MON2: variants seen among roughly 807,000 people sequenced by gnomAD.
MON2 encodes protein MON2 homolog.
MON2 carries 84 observed loss-of-function variants against 208.6 expected under a neutral mutation model. That is an observed-to-expected ratio of 0.40 (90% CI 0.34 to 0.48). MON2 has a LOEUF of 0.48. Among genes scored for constraint, MON2 ranks in the 20% least tolerant of loss-of-function variants. The pLI, the probability that MON2 is intolerant of heterozygous loss-of-function variation, is 0.59. For missense variants in MON2, 1,611 were observed against 2,015.4 expected (o/e 0.80, Z 3.84); for synonymous variants, 660 against 694.0 (o/e 0.95, Z 0.77).
intron 11 of MON2, among the ~76,000 whole-genome samples, chr12:62,531,765 TTTTTTTA>T (rs1443402240): frequency 6.6e-6 from 1 of 152,024 alleles, no homozygotes; most frequent in East Asian, 1.9e-4. Context: ...CATCTTATTT[TTTTTTTA>T]TTTTTTATTT....
intron 11 of MON2, among the ~76,000 whole-genome samples, chr12:62,528,925 G>T (rs2072476615): frequency 6.6e-6 from 1 of 152,132 alleles, no homozygotes; most frequent in Non-Finnish European, 1.5e-5. Flanking sequence ...GTGTCATGGG[G>T]ATTTGTTGTA....
intron 34 of MON2, among the ~76,000 whole-genome samples, chr12:62,591,537 A>C (rs984062254): frequency 4.6e-5 from 7 of 152,252 alleles, no homozygotes; most frequent in African/African-American, 1.7e-4. Flanking sequence ...GCCCTTAATA[A>C]ATTGATATGA....
At chr12:62,559,788 GAAA>G (rs1476993592) in intron 25 of MON2, 1 of 141,032 alleles carries the variant, frequency 7.1e-6, no homozygotes, top group Non-Finnish European at 1.6e-5. Flanking sequence ...AAAAAAAAAA[GAAA>G]AAAATTCTGC....
chr12:62,503,886 C>G (rs1278617258), intron 7 of MON2, among the ~76,000 whole-genome samples: 1 of 152,160 alleles, frequency 6.6e-6, no homozygotes, highest in Non-Finnish European at 1.5e-5. Context: ...AAAATGGCAA[C>G]CTTTTTTCCT....
chr12:62,585,086 C>T (rs967087668), intron 32 of MON2, among the ~76,000 whole-genome samples: 8 of 108,954 alleles, frequency 7.3e-5, no homozygotes, highest in Non-Finnish European at 1.3e-4. Flanking sequence ...CACACACACA[C>T]ACACACACAC....
chr12:62,504,809 G>T (rs1217918379), intron 7 of MON2, among the ~76,000 whole-genome samples: 1 of 152,212 alleles, frequency 6.6e-6, no homozygotes, highest in East Asian at 1.9e-4. Flanking sequence ...ATTCTAATGG[G>T]GAGACAGATT....
chr12:62,585,678 C>T (rs1403249780), intron 33 of MON2, 177 bp downstream of exon 33: 2 of 504,526 alleles, frequency 4.0e-6, no homozygotes, highest in African/African-American at 3.8e-5. Flanking sequence ...GATATATTAA[C>T]ATGTTTTGTT....
At chr12:62,474,096 ACTT>A (rs906284673) in intron 1 of MON2, among the ~76,000 whole-genome samples, 10 of 150,254 alleles carry the variant, frequency 6.7e-5, no homozygotes, top group East Asian at 3.9e-4. Context: ...CGTCAGTAGA[ACTT>A]CTTCTTTTTC....
At chr12:62,584,569 G>A (rs2075128629) in intron 32 of MON2, among the ~76,000 whole-genome samples, 2 of 151,992 alleles carry the variant, frequency 1.3e-5, no homozygotes, top group Non-Finnish European at 2.9e-5. Context: ...TGGGTGTGGT[G>A]GCACGTGCCT....
intron 8 of MON2, among the ~76,000 whole-genome samples, chr12:62,518,079 G>C (rs1047870796): frequency 2.6e-5 from 4 of 152,130 alleles, no homozygotes; most frequent in African/African-American, 4.8e-5. Flanking sequence ...TGTACTTCCT[G>C]GTTTGCAGAT....
intron 30 of MON2, among the ~76,000 whole-genome samples, chr12:62,572,526 G>T (rs1032065739): frequency 6.6e-6 from 1 of 152,254 alleles, no homozygotes; most frequent in African/African-American, 2.4e-5. Flanking sequence ...GCTCACTGCA[G>T]CCTCGACCTC....
chr12:62,570,722 C>CTTTT lies in MON2; in HGVS notation c.4324-644_4324-641dup, dbSNP rs1192680038. The stretch of plus-strand genomic sequence containing the variant: ...ATAACTATGGCAGAATTTTCTTTTT[C>CTTTT]TTTTTTTTTTTTTTTTTTTTTTTTT... On this transcript the variant is annotated intron_variant, in intron 29 of 34. Coordinates refer to ENST00000393630, the MANE Select transcript of MON2 (RefSeq NM_015026.3). Among the ~76,000 whole-genome samples, 260 of 70,874 alleles carry CTTTT rather than the reference C, an allele frequency of 3.7e-3. 16 individuals are homozygous for CTTTT. The highest frequency in any genetic ancestry group is 4.8e-3 in the Non-Finnish European group (184 of 38,574). The allele number at this position is 70,874 out of a possible 152,430, so 46.5% of individuals were successfully genotyped here. A position where few individuals can be genotyped will look rare whatever the true frequency, so the allele number is the denominator to read the frequency against.
At chr12:62,534,330 C>A (rs1044895589) in intron 12 of MON2, among the ~76,000 whole-genome samples, 4 of 150,846 alleles carry the variant, frequency 2.7e-5, no homozygotes, top group Non-Finnish European at 5.9e-5. Context: ...ACCAGCCTGA[C>A]CAACATGGTG....
chr12:62,470,860 A>G (rs1171244435), intron 1 of MON2: 1 of 475,278 alleles, frequency 2.1e-6, no homozygotes, highest in East Asian at 1.5e-4. Flanking sequence ...AATATGATCA[A>G]ATTGATATTT....
chr12:62,485,567 A>G (rs2069723864), intron 2 of MON2, among the ~76,000 whole-genome samples: 1 of 149,560 alleles, frequency 6.7e-6, no homozygotes, highest in Non-Finnish European at 1.5e-5. Flanking sequence ...AAAACACCCA[A>G]TAGTTTTATA....
At chr12:62,592,227 A>G (rs2075418794) in intron 34 of MON2, among the ~76,000 whole-genome samples, 1 of 152,232 alleles carries the variant, frequency 6.6e-6, no homozygotes, top group South Asian at 2.1e-4. Flanking sequence ...GTTATTTTCT[A>G]ATTCTTGAAA....
intron 19 of MON2, among the ~76,000 whole-genome samples, chr12:62,540,567 T>G (rs930093623): frequency 6.6e-6 from 1 of 152,156 alleles, no homozygotes; most frequent in African/African-American, 2.4e-5. Context: ...AATCATTTAT[T>G]TTTAACTTTC....
intron 32 of MON2, 77 bp downstream of exon 32, chr12:62,580,497 T>C: frequency 2.3e-6 from 3 of 1,323,698 alleles, no homozygotes; most frequent in Non-Finnish European, 3.1e-6. Flanking sequence ...TTTAATCCTA[T>C]GATTTTGGTA....
chr12:62,469,268 C>T (rs2068670611), intron 1 of MON2, among the ~76,000 whole-genome samples: 1 of 151,996 alleles, frequency 6.6e-6, no homozygotes, highest in African/African-American at 2.4e-5. Context: ...ATCCCTTGAG[C>T]CCAGGCGGTC....
Sources: gnomAD v4.1 joint callset for allele counts (sites outside exome capture counted in the v4.1 genomes callset) on GRCh38, gnomAD v4.1.1 for gene constraint, MANE v1.5 for transcripts, NCBI Gene and HGNC (gene_info 2026-07-23, HGNC 2026-07-21) for gene names.